The following PNLIPRP1 variants were observed in gnomAD, a reference collection of about 807,000 sequenced individuals.
The protein encoded by PNLIPRP1 is inactive pancreatic lipase-related protein 1.
In PNLIPRP1, 57 loss-of-function variants were observed where a neutral mutation model predicts 54.6. That is an observed-to-expected ratio of 1.04 (90% CI 0.84 to 1.30). PNLIPRP1 has a LOEUF of 1.30. PNLIPRP1 is among the 50% of genes most tolerant of loss of function. PNLIPRP1 has a pLI of 0.00. For synonymous variants in PNLIPRP1, 232 were observed against 208.8 expected, an observed-to-expected ratio of 1.11 and a Z score of -0.96; for missense variants, 567 against 568.5, an observed-to-expected ratio of 1.00 and a Z score of 0.03.
rs782110121 is a variant in PNLIPRP1, at chr10:116,604,029, G to A, written c.1064-1G>A. 2.5e-6 allele frequency: 4 copies of A among 1,596,888 alleles called. No individual in the cohort carries two copies. Among genetic ancestry groups the A allele is most frequent in the Non-Finnish European group, 3.4e-6 (4 of 1,165,292 alleles). Reference sequence around the variant, plus strand: ...ATTGAACTCTTCCATCTCCTGTGCAGGCTGGAGATATGGGGTTTCCATCAC... The same window carrying A: ...ATTGAACTCTTCCATCTCCTGTGCAAGCTGGAGATATGGGGTTTCCATCAC... On this transcript the variant is annotated splice_acceptor_variant, in intron 10 of 12. Coordinates refer to ENST00000358834, the MANE Select transcript of PNLIPRP1 (RefSeq NM_006229.4). LOFTEE classifies it high-confidence loss of function.
Position 116,594,783 on chromosome 10 carries a change from C to G in PNLIPRP1, c.384C>G (p.Gly128=), listed in dbSNP as rs1589570296. 1 of 1,614,122 alleles carries G rather than the reference C, an allele frequency of 6.2e-7. No individual in the cohort carries two copies. The highest frequency in any genetic ancestry group is 8.5e-7 in the Non-Finnish European group (1 of 1,180,044). Residue 128 remains glycine, a synonymous_variant, in exon 5 of 13, where the codon GGC becomes GGG. Transcript: ENST00000358834. ...VNCICVDWKK[G]SQATYTQAAN... ...GCATCTGCGTGGACTGGAAGAAGGG[C>G]TCCCAAGCCACCTACACACAGGCTG...
At chr10:116,605,023 T>A (rs1302499502) in intron 11 of PNLIPRP1, among the ~76,000 whole-genome samples, 8 of 152,258 alleles carry the variant, frequency 5.3e-5, no homozygotes, top group African/African-American at 1.9e-4. Context: ...TTTTTAAACA[T>A]AAATCTAATA....
intron 9 of PNLIPRP1, chr10:116,600,648 A>G (rs1900510): frequency 0.97 from 167,237 of 171,546 alleles, 81,668 homozygotes; most frequent in Middle Eastern, 1. Flanking sequence ...TGGCTCACGA[A>G]AGCCAGCATG....
chr10:116,600,031 T>C lies in PNLIPRP1; in HGVS notation c.815-16T>C. ...CCCCCAACCACCTGTTCAGGTCTCCTTATTTGTTTTCCCAGGAACCCGGGA... is the reference window on the plus strand; with the variant it reads ...CCCCCAACCACCTGTTCAGGTCTCCCTATTTGTTTTCCCAGGAACCCGGGA... On this transcript the variant is annotated splice_polypyrimidine_tract_variant and intron_variant, in intron 8 of 12. Transcript: ENST00000358834. The C allele has an allele frequency of 6.4e-7, 1 of 1,574,752 alleles. No homozygotes were observed. Among genetic ancestry groups the C allele is most frequent in the Non-Finnish European group, 8.7e-7 (1 of 1,144,194 alleles).
chr10:116,595,990 T>G (rs1165627577), intron 5 of PNLIPRP1: 1 of 480,014 alleles, frequency 2.1e-6, no homozygotes, highest in African/African-American at 2.0e-5. Flanking sequence ...GAGGCTATGA[T>G]GTATTCGAGG....
intron 10 of PNLIPRP1, among the ~76,000 whole-genome samples, chr10:116,603,477 A>C (rs2133239682): frequency 6.6e-6 from 1 of 152,336 alleles, no homozygotes; most frequent in East Asian, 1.9e-4. Flanking sequence ...TTGGATTTAA[A>C]TGTAAGCAGC....
At chr10:116,606,429 T>C (rs1195643115) in intron 12 of PNLIPRP1, among the ~76,000 whole-genome samples, 1 of 152,026 alleles carries the variant, frequency 6.6e-6, no homozygotes, top group South Asian at 2.1e-4. Context: ...AGCTAGAGCA[T>C]AGTACAGAGG....
intron 3 of PNLIPRP1, 116 bp downstream of exon 3, chr10:116,592,041 T>A (rs1270539520): frequency 1.8e-6 from 2 of 1,138,728 alleles, no homozygotes; most frequent in Non-Finnish European, 2.5e-6. Flanking sequence ...ACCCCATCCC[T>A]CAAGCTGCCC....
At chr10:116,591,350 T>G (rs1269005691) in intron 2 of PNLIPRP1, among the ~76,000 whole-genome samples, 172 bp downstream of exon 2, 6 of 152,172 alleles carry the variant, frequency 3.9e-5, no homozygotes, top group Admixed American at 3.9e-4. Flanking sequence ...GGGAGACCTG[T>G]TTCTGGGGAT....
intron 11 of PNLIPRP1, among the ~76,000 whole-genome samples, chr10:116,604,525 C>T (rs60134363): frequency 0.045 from 6,917 of 152,128 alleles, 422 homozygotes; most frequent in African/African-American, 0.14. Flanking sequence ...GATGTCCACA[C>T]AATGATTAAA....
At chr10:116,600,186 G>C (rs781855279) in intron 9 of PNLIPRP1, 21 bp downstream of exon 9, 7 of 1,492,814 alleles carry the variant, frequency 4.7e-6, no homozygotes, top group Non-Finnish European at 6.5e-6. Context: ...GTCCTGCCTC[G>C]AGCAACAAGC....
In PNLIPRP1 at chr10:116,602,733, G is replaced by C. The variant is rs142202096; in HGVS notation, c.1064-1297G>C. ...AATGTACATCTGTGCACATGTGTGG[G>C]TGTATGAATGCATGTGTGAGTGTGT... On this transcript the variant is annotated intron_variant, in intron 10 of 12. Coordinates refer to ENST00000358834, the MANE Select transcript of PNLIPRP1 (RefSeq NM_006229.4). Among the ~76,000 whole-genome samples the C allele has an allele frequency of 9.9e-4, 150 of 151,188 alleles. 1 individual carries two copies. Among genetic ancestry groups the C allele is most frequent in the South Asian group, 6.3e-4 (3 of 4,752 alleles).
At chr10:116,599,148 G>A (rs1589573033) in intron 8 of PNLIPRP1, among the ~76,000 whole-genome samples, 2 of 151,976 alleles carry the variant, frequency 1.3e-5, no homozygotes, top group South Asian at 2.1e-4. Flanking sequence ...CCAGCTGCTC[G>A]AGAGGCTGAG....
At chr10:116,595,853 T>C (rs568136893) in intron 5 of PNLIPRP1, 2 of 190,142 alleles carry the variant, frequency 1.1e-5, no homozygotes, top group Admixed American at 5.4e-5. Flanking sequence ...GGAAAGGGCT[T>C]AAGGAGGTCT....
intron 5 of PNLIPRP1, chr10:116,595,098 A>C: frequency 2.0e-6 from 1 of 502,100 alleles, no homozygotes; most frequent in Admixed American, 3.3e-5. Context: ...ACAGATAAAG[A>C]AACTGAGGCC....
chr10:116,600,064 G>T lies in PNLIPRP1; in HGVS notation c.832G>T (p.Ala278Ser). Residue 278 changes from alanine to serine, a missense_variant, in exon 9 of 13, where the codon GCT becomes TCT. By Grantham distance (99) the Ala-to-Ser change is moderately conservative (BLOSUM62 1). Coordinates refer to ENST00000358834, the MANE Select transcript of PNLIPRP1 (RefSeq NM_006229.4). ...GIWAGTRDFV[A>S]CNHLRSYKYY... ...TTTCCCAGGAACCCGGGACTTTGTG[G>T]CTTGCAATCACCTAAGAAGCTACAA... 6.2e-7 allele frequency: 1 copy of T among 1,613,794 alleles called. No homozygotes were observed. The highest frequency in any genetic ancestry group is 1.6e-4 in the Middle Eastern group (1 of 6,062).
At chr10:116,599,635 G>A (rs1341120024) in intron 8 of PNLIPRP1, among the ~76,000 whole-genome samples, 1 of 152,164 alleles carries the variant, frequency 6.6e-6, no homozygotes, top group African/African-American at 2.4e-5. Context: ...ATGGTGCCTG[G>A]GACATGAGAT....
At chr10:116,598,352 T>C (rs551277149) in intron 8 of PNLIPRP1, among the ~76,000 whole-genome samples, 186 bp downstream of exon 8, 1 of 152,368 alleles carries the variant, frequency 6.6e-6, no homozygotes, top group South Asian at 2.1e-4. Flanking sequence ...TTACTGCTTT[T>C]GTGCTTCCTT....
intron 4 of PNLIPRP1, among the ~76,000 whole-genome samples, chr10:116,594,135 G>C (rs1298643478): frequency 4.6e-5 from 7 of 152,018 alleles, no homozygotes; most frequent in African/African-American, 1.7e-4. Context: ...GTACTGCCTG[G>C]CAGAACTCCT....
Sources: gnomAD v4.1 joint callset for allele counts (sites outside exome capture counted in the v4.1 genomes callset) on GRCh38, gnomAD v4.1.1 for gene constraint, MANE v1.5 for transcripts, NCBI Gene and HGNC (gene_info 2026-07-23, HGNC 2026-07-21) for gene names.